The following RABGAP1L variants were observed in gnomAD, a reference collection of about 807,000 sequenced individuals.
RABGAP1L encodes the protein rab GTPase-activating protein 1-like.
RABGAP1L carries 63 observed loss-of-function variants against 137.7 expected under a neutral mutation model. The ratio of observed to expected loss-of-function variants is 0.46; its 90% CI spans 0.37 to 0.56. RABGAP1L has a LOEUF of 0.56. Ranked by LOEUF, RABGAP1L falls within the 20% of genes least tolerant of loss-of-function variation. The probability of loss-of-function intolerance (pLI) is 0.00; values close to 1 mark genes in which losing one functional copy is unlikely to be tolerated. For synonymous variants in RABGAP1L, 431 were observed against 433.7 expected (o/e 0.99, Z 0.08); for missense variants, 1,095 against 1,244.0 (o/e 0.88, Z 1.80).
chr1:174,238,803 G>C (rs1359795581), intron 4 of RABGAP1L: 2 of 151,428 alleles, frequency 1.3e-5, no homozygotes, highest in South Asian at 2.1e-4. Flanking sequence ...CACCCAGTTC[G>C]AGCTTCCCGG....
intron 19 of RABGAP1L, among the ~76,000 whole-genome samples, chr1:174,893,845 T>C (rs1656681653): frequency 6.6e-6 from 1 of 152,242 alleles, no homozygotes; most frequent in Non-Finnish European, 1.5e-5. Context: ...TGGAACAGTT[T>C]GTGACAAATC....
chr1:174,328,024 T>TATATATATATAC (rs1348906110), intron 11 of RABGAP1L, among the ~76,000 whole-genome samples: 1 of 119,506 alleles, frequency 8.4e-6, no homozygotes, highest in African/African-American at 3.1e-5. Context: ...TATATATATA[T>TATATATATATAC]ACCCAACATC....
At chr1:174,471,604 A>G (rs1317746351) in intron 13 of RABGAP1L, among the ~76,000 whole-genome samples, 1 of 152,204 alleles carries the variant, frequency 6.6e-6, no homozygotes. Context: ...AACCACATTC[A>G]GGTGTTAGCT....
chr1:174,764,939 C>A (rs1287215848), intron 18 of RABGAP1L, among the ~76,000 whole-genome samples: 1 of 152,206 alleles, frequency 6.6e-6, no homozygotes, highest in East Asian at 1.9e-4. Flanking sequence ...TAATCCAGCC[C>A]TTCCATGATG....
intron 25 of RABGAP1L, among the ~76,000 whole-genome samples, chr1:174,989,401 C>CTCCACCACACCAGCCAGCT (rs1181975198): frequency 2.0e-5 from 3 of 152,200 alleles, no homozygotes; most frequent in Non-Finnish European, 4.4e-5. Flanking sequence ...TGTCACCAGC[C>CTCCACCACACCAGCCAGCT]TCCACCACAC....
intron 12 of RABGAP1L, among the ~76,000 whole-genome samples, chr1:174,393,077 A>C (rs1456053056): frequency 6.6e-6 from 1 of 152,160 alleles, no homozygotes. Flanking sequence ...CATATTTACT[A>C]TGTTGTGATC....
At chr1:174,458,929 T>C (rs1006659747) in intron 13 of RABGAP1L, among the ~76,000 whole-genome samples, 2 of 152,220 alleles carry the variant, frequency 1.3e-5, no homozygotes, top group East Asian at 3.9e-4. Flanking sequence ...ACAGAAGATA[T>C]AGCTGTATAA....
intron 11 of RABGAP1L, among the ~76,000 whole-genome samples, chr1:174,311,502 C>G (rs1678848604): frequency 6.6e-6 from 1 of 152,160 alleles, no homozygotes; most frequent in African/African-American, 2.4e-5. Context: ...TTTTTAGATT[C>G]CACAAATAAG....
intron 19 of RABGAP1L, among the ~76,000 whole-genome samples, chr1:174,839,010 A>AAGT (rs1693084434): frequency 7.9e-6 from 1 of 127,082 alleles, no homozygotes; most frequent in Non-Finnish European, 1.7e-5. Flanking sequence ...AGTATGAGCT[A>AAGT]AGTCATGAAC....
Position 174,283,407 on chromosome 1 carries a change from TAA to T in RABGAP1L, c.1323+4633_1323+4634del, listed in dbSNP as rs1675753957. On this transcript the variant is annotated intron_variant, in intron 10 of 25. Coordinates refer to ENST00000681986, the MANE Select transcript of RABGAP1L (RefSeq NM_001366446.1). ...GGGCCACAGAGTGACACCCCATCTC[TAA>T]AAAATAATAATAAAAAAAAGAAAAA... Among the ~76,000 whole-genome samples, 3 of 151,862 alleles carry T rather than the reference TAA, an allele frequency of 2.0e-5. No individual in the cohort carries two copies. In the South Asian group the frequency reaches 6.3e-4, roughly 32 times the overall value.
chr1:174,708,412 T>G (rs1380212473), intron 17 of RABGAP1L, among the ~76,000 whole-genome samples: 1 of 151,646 alleles, frequency 6.6e-6, no homozygotes, highest in Non-Finnish European at 1.5e-5. Context: ...ATGCAGAGGG[T>G]GGGTGATTTC....
intron 11 of RABGAP1L, among the ~76,000 whole-genome samples, chr1:174,333,262 T>C (rs2148869657): frequency 6.6e-6 from 1 of 152,184 alleles, no homozygotes; most frequent in South Asian, 2.1e-4. Flanking sequence ...TACAGTGGGG[T>C]GACTGTAGCT....
At chr1:174,537,445 T>C (rs1390760359) in intron 13 of RABGAP1L, among the ~76,000 whole-genome samples, 1 of 152,204 alleles carries the variant, frequency 6.6e-6, no homozygotes, top group South Asian at 2.1e-4. Flanking sequence ...CCTATTTTCC[T>C]AAGGAACACC....
At chr1:174,777,402 C>G (rs1618408) in intron 18 of RABGAP1L, among the ~76,000 whole-genome samples, 91,957 of 151,978 alleles carry the variant, frequency 0.61, 31,013 homozygotes, top group East Asian at 0.93. Flanking sequence ...TCAACAGTAC[C>G]CCTCATCTCT....
intron 4 of RABGAP1L, among the ~76,000 whole-genome samples, chr1:174,238,128 C>T (rs1230404710): frequency 6.6e-6 from 1 of 152,132 alleles, no homozygotes; most frequent in Non-Finnish European, 1.5e-5. Context: ...CCATCAGCTC[C>T]TTTAGGCACT....
At chr1:174,872,714 A>G (rs1652402809) in intron 19 of RABGAP1L, among the ~76,000 whole-genome samples, 1 of 151,750 alleles carries the variant, frequency 6.6e-6, no homozygotes, top group South Asian at 2.1e-4. Context: ...CTGATTTTTC[A>G]ATTTTTTGTA....
intron 1 of RABGAP1L, among the ~76,000 whole-genome samples, chr1:174,191,299 AT>A (rs1667196319): frequency 6.6e-6 from 1 of 152,210 alleles, no homozygotes; most frequent in East Asian, 1.9e-4. Context: ...AACAAAAATC[AT>A]TTCCTGTTTG....
Position 174,863,246 on chromosome 1 carries a change from A to AAAAAAC in RABGAP1L, c.2340+51288_2340+51289insAAACAA, listed in dbSNP as rs1447820981. Among the ~76,000 whole-genome samples the AAAAAAC allele has an allele frequency of 2.5e-3, 379 of 151,380 alleles. 8 individuals are homozygous for AAAAAAC. The highest frequency in any genetic ancestry group is 8.7e-3 in the African/African-American group (359 of 41,260). ...AGTTGTTTGTAGCAAAAAAAAAAAA[A>AAAAAAC]AAGAAAAACAGTATATTTAATGGGA... On this transcript the variant is annotated intron_variant, in intron 19 of 25. Coordinates refer to ENST00000681986, the MANE Select transcript of RABGAP1L (RefSeq NM_001366446.1).
intron 13 of RABGAP1L, among the ~76,000 whole-genome samples, chr1:174,508,688 C>T (rs1438930041): frequency 1.3e-5 from 2 of 151,988 alleles, no homozygotes; most frequent in Non-Finnish European, 2.9e-5. Context: ...GTAATGTATC[C>T]GTGAGACACA....
Sources: allele counts gnomAD v4.1 joint callset (sites outside exome capture counted in the v4.1 genomes callset), GRCh38; gene constraint gnomAD v4.1.1; transcripts MANE v1.5; gene names NCBI Gene and HGNC (gene_info 2026-07-23, HGNC 2026-07-21).